The following SLC24A2 variants were observed in gnomAD, a reference collection of about 807,000 sequenced individuals.
SLC24A2 encodes solute carrier family 24 member 2.
Under a neutral mutation model 62.0 loss-of-function variants are expected in SLC24A2, and 36 were observed. The ratio of observed to expected loss-of-function variants is 0.58; its 90% confidence interval spans 0.44 to 0.77. The LOEUF (loss-of-function observed/expected upper bound fraction) is 0.77. Ranked by LOEUF, SLC24A2 falls within the 30% of genes least tolerant of loss-of-function variation. The pLI is 0.00. For missense variants in SLC24A2, 846 were observed against 817.9 expected, an observed-to-expected ratio of 1.03 and a Z score of -0.42; for synonymous variants, 358 against 294.0, an observed-to-expected ratio of 1.22 and a Z score of -2.23.
chr9:19,547,242 A>T (rs1363102183), intron 8 of SLC24A2, among the ~76,000 whole-genome samples: 1 of 152,178 alleles, frequency 6.6e-6, no homozygotes, highest in African/African-American at 2.4e-5. Context: ...TCAGAAAAAC[A>T]AAAGAAATCC....
intron 2 of SLC24A2, among the ~76,000 whole-genome samples, chr9:19,622,577 A>T (rs1311251817): frequency 6.6e-6 from 1 of 152,230 alleles, no homozygotes; most frequent in Non-Finnish European, 1.5e-5. Flanking sequence ...ACTGTGGCCC[A>T]GCCATGCAGT....
the SLC24A2 span, among the ~76,000 whole-genome samples, chr9:20,093,209 A>T: frequency 6.6e-6 from 1 of 151,792 alleles, no homozygotes; most frequent in Non-Finnish European, 1.5e-5. Flanking sequence ...AGTAGCTGGG[A>T]TTACAGGCAT....
At chr9:20,190,793 C>A in the SLC24A2 span, among the ~76,000 whole-genome samples, 16 of 152,170 alleles carry the variant, frequency 1.1e-4, no homozygotes, top group Non-Finnish European at 1.9e-4. Flanking sequence ...TGTATGACTT[C>A]GGGAAAATTA....
the SLC24A2 span, among the ~76,000 whole-genome samples, chr9:20,101,856 C>T: frequency 6.6e-6 from 1 of 152,118 alleles, no homozygotes; most frequent in Non-Finnish European, 1.5e-5. Flanking sequence ...GGAAACTGTG[C>T]CCTTACCATT....
At chr9:19,744,509 C>G (rs1011547685) in intron 2 of SLC24A2, among the ~76,000 whole-genome samples, 1 of 152,086 alleles carries the variant, frequency 6.6e-6, no homozygotes, top group African/African-American at 2.4e-5. Context: ...AGGGAAGGAC[C>G]AGACAGGGGT....
chr9:20,299,700 C>G, the SLC24A2 span, among the ~76,000 whole-genome samples: 1 of 152,228 alleles, frequency 6.6e-6, no homozygotes, highest in Non-Finnish European at 1.5e-5. Flanking sequence ...TCAGGTTTAA[C>G]TTGCCTTCCC....
the SLC24A2 span, among the ~76,000 whole-genome samples, chr9:20,146,545 AG>A: frequency 6.6e-6 from 1 of 152,158 alleles, no homozygotes; most frequent in Non-Finnish European, 1.5e-5. Context: ...AGCTGAGTAT[AG>A]GGGAACATGC....
At chr9:20,192,294 C>G in the SLC24A2 span, among the ~76,000 whole-genome samples, 1 of 152,012 alleles carries the variant, frequency 6.6e-6, no homozygotes, top group African/African-American at 2.4e-5. Flanking sequence ...TGGACAAAGG[C>G]TGGGGCTGGG....
At chr9:19,920,562 C>G in the SLC24A2 span, among the ~76,000 whole-genome samples, 1 of 152,096 alleles carries the variant, frequency 6.6e-6, no homozygotes, top group Non-Finnish European at 1.5e-5. Context: ...GGCCAACGTA[C>G]CGCTATGGGC....
the SLC24A2 span, among the ~76,000 whole-genome samples, chr9:20,233,444 C>G: frequency 6.6e-6 from 1 of 152,272 alleles, no homozygotes; most frequent in East Asian, 1.9e-4. Context: ...GGATAGTTAG[C>G]TCTTCTTGTT....
intron 7 of SLC24A2, among the ~76,000 whole-genome samples, chr9:19,552,432 C>T (rs1834890079): frequency 6.6e-6 from 1 of 152,170 alleles, no homozygotes; most frequent in African/African-American, 2.4e-5. Context: ...TTCCCCTTAC[C>T]TCCTGGCAGA....
the SLC24A2 span, among the ~76,000 whole-genome samples, chr9:20,072,259 G>T: frequency 6.6e-6 from 1 of 152,126 alleles, no homozygotes; most frequent in Non-Finnish European, 1.5e-5. Context: ...TGGTCTCTCT[G>T]TGCAACATTC....
chr9:20,179,102 G>T, the SLC24A2 span, among the ~76,000 whole-genome samples: 4 of 152,092 alleles, frequency 2.6e-5, no homozygotes, highest in Admixed American at 6.6e-5. Flanking sequence ...TTCCCACCAG[G>T]TTTCCTAATA....
At chr9:19,597,944 T>C (rs1836743012) in intron 4 of SLC24A2, among the ~76,000 whole-genome samples, 1 of 152,110 alleles carries the variant, frequency 6.6e-6, no homozygotes, top group Non-Finnish European at 1.5e-5. Flanking sequence ...GGCTGCTATG[T>C]AAACAGCAGG....
chr9:20,101,174 G>T, the SLC24A2 span, among the ~76,000 whole-genome samples: 1 of 152,168 alleles, frequency 6.6e-6, no homozygotes, highest in Non-Finnish European at 1.5e-5. Flanking sequence ...TTCATTTAAG[G>T]TCTCAGTGAC....
chr9:19,809,626 A>G, the SLC24A2 span, among the ~76,000 whole-genome samples: 1 of 152,088 alleles, frequency 6.6e-6, no homozygotes, highest in South Asian at 2.1e-4. Context: ...TCTCTTTGTC[A>G]GCCACATGTA....
At chr9:19,954,437 G>C in the SLC24A2 span, among the ~76,000 whole-genome samples, 3 of 152,034 alleles carry the variant, frequency 2.0e-5, no homozygotes, top group Non-Finnish European at 4.4e-5. Context: ...GAAAGGGAAT[G>C]GTACCAATAG....
chr9:19,729,612 A>G (rs1051814374), intron 2 of SLC24A2, among the ~76,000 whole-genome samples: 1 of 152,192 alleles, frequency 6.6e-6, no homozygotes, highest in Non-Finnish European at 1.5e-5. Context: ...CCAGGAGCAG[A>G]AAGTTAAACA....
At chr9:20,158,108 T>G in the SLC24A2 span, among the ~76,000 whole-genome samples, 1 of 151,340 alleles carries the variant, frequency 6.6e-6, no homozygotes, top group Non-Finnish European at 1.5e-5. Flanking sequence ...AATCAAAAAT[T>G]TAAGAACTAA....
Sources: allele counts gnomAD v4.1 joint callset (sites outside exome capture counted in the v4.1 genomes callset), GRCh38; gene constraint gnomAD v4.1.1; transcripts MANE v1.5; gene names NCBI Gene and HGNC (gene_info 2026-07-23, HGNC 2026-07-21).